Variants in RUNX1 observed in about 807,000 individuals in gnomAD.
The protein encoded by RUNX1 is runt-related transcription factor 1.
Under a neutral mutation model 42.8 loss-of-function variants are expected in RUNX1, and 19 were observed. The observed-to-expected ratio is 0.44, with a 90% CI of 0.31 to 0.65. The LOEUF (loss-of-function observed/expected upper bound fraction) is 0.65. RUNX1 is among the 30% of genes least tolerant of loss of function. The probability of loss-of-function intolerance (pLI) is 0.07; values close to 1 mark genes in which losing one functional copy is unlikely to be tolerated. For synonymous variants in RUNX1, 271 were observed against 289.4 expected, an observed-to-expected ratio of 0.94 and a Z score of 0.64; for missense variants, 528 against 672.0, an observed-to-expected ratio of 0.79 and a Z score of 2.37.
chr21:34,934,622 G>A (rs80151094), intron 2 of RUNX1, among the ~76,000 whole-genome samples: 1,644 of 152,262 alleles, frequency 0.011, 25 homozygotes, highest in African/African-American at 0.038. Flanking sequence ...TCACATGCTG[G>A]TGCTTTAGGG....
chr21:34,835,754 C>A (rs2057136823), intron 6 of RUNX1, among the ~76,000 whole-genome samples: 1 of 152,114 alleles, frequency 6.6e-6, no homozygotes, highest in Admixed American at 6.5e-5. Context: ...CCAAATGTCC[C>A]CAAAGCCAGA....
At chr21:34,953,978 C>CA (rs909561523) in intron 2 of RUNX1, among the ~76,000 whole-genome samples, 1 of 151,990 alleles carries the variant, frequency 6.6e-6, no homozygotes, top group Non-Finnish European at 1.5e-5. Context: ...AAGTTGGTTG[C>CA]AAAAAAATGG....
At chr21:34,999,810 A>T (rs1343085834) in intron 2 of RUNX1, among the ~76,000 whole-genome samples, 1 of 152,194 alleles carries the variant, frequency 6.6e-6, no homozygotes, top group East Asian at 1.9e-4. Context: ...TCCTTTTAAA[A>T]GTGTGACTAT....
At chr21:35,046,984 G>A (rs1443800997) in intron 2 of RUNX1, among the ~76,000 whole-genome samples, 1 of 152,070 alleles carries the variant, frequency 6.6e-6, no homozygotes, top group Non-Finnish European at 1.5e-5. Context: ...CCCTGGGCTT[G>A]TCCGGGAGAT....
intron 8 of RUNX1, among the ~76,000 whole-genome samples, chr21:34,794,108 A>G (rs1422423312): frequency 2.6e-5 from 4 of 152,196 alleles, no homozygotes; most frequent in Non-Finnish European, 5.9e-5. Flanking sequence ...TGATATTAAT[A>G]TAGCAGATGA....
At chr21:34,846,690 C>G (rs1445517870) in intron 6 of RUNX1, among the ~76,000 whole-genome samples, 1 of 152,150 alleles carries the variant, frequency 6.6e-6, no homozygotes, top group Non-Finnish European at 1.5e-5. Flanking sequence ...CTCAAGATTC[C>G]TTTTAGAGTT....
intron 7 of RUNX1, among the ~76,000 whole-genome samples, chr21:34,812,818 C>T (rs966089813): frequency 6.6e-6 from 1 of 152,066 alleles, no homozygotes; most frequent in Non-Finnish European, 1.5e-5. Context: ...CTCATAGAAG[C>T]CATATACTTG....
At chr21:34,853,328 A>G (rs945075971) in intron 6 of RUNX1, among the ~76,000 whole-genome samples, 1 of 152,220 alleles carries the variant, frequency 6.6e-6, no homozygotes, top group East Asian at 1.9e-4. Context: ...TACAAAAAAA[A>G]TGATGAATGC....
chr21:34,959,493 A>G (rs141334804), intron 2 of RUNX1, among the ~76,000 whole-genome samples: 2 of 152,314 alleles, frequency 1.3e-5, no homozygotes, highest in African/African-American at 4.8e-5. Context: ...TGGTGAATAA[A>G]TAGAAAGAAA....
At chr21:34,887,274 G>A (rs1032507273) in intron 3 of RUNX1, 178 bp from the exon 4 acceptor site, 16 of 1,430,346 alleles carry the variant, frequency 1.1e-5, no homozygotes, top group Middle Eastern at 2.6e-4. Flanking sequence ...GGGGAGGAGG[G>A]AGACTAAGTT....
In RUNX1 at chr21:35,024,121, G is replaced by A. The variant is rs77752624; in HGVS notation, c.58+24721C>T. Among the ~76,000 whole-genome samples, 1,245 of 152,208 alleles carry A rather than the reference G, an allele frequency of 8.2e-3. 17 individuals are homozygous for A. Among genetic ancestry groups the A allele is most frequent in the African/African-American group, 0.027 (1,117 of 41,526 alleles). On this transcript the variant is annotated intron_variant, in intron 2 of 8. Transcript: ENST00000675419. ...TAGGTGCCTCCATATGTTTGTTTAC[G>A]TTCTGGTCAATGATTTGTCAGCAGG... is the stretch of plus-strand genomic sequence containing the variant.
chr21:34,862,011 G>A (rs911738574), intron 5 of RUNX1, among the ~76,000 whole-genome samples: 1 of 151,640 alleles, frequency 6.6e-6, no homozygotes, highest in Non-Finnish European at 1.5e-5. Context: ...CTTTAGGAGA[G>A]AGGGGGTATT....
At chr21:34,811,220 G>A (rs2056753850) in intron 7 of RUNX1, among the ~76,000 whole-genome samples, 1 of 152,100 alleles carries the variant, frequency 6.6e-6, no homozygotes, top group Non-Finnish European at 1.5e-5. Context: ...AGGATATCCT[G>A]ACAAAGGGAA....
intron 2 of RUNX1, among the ~76,000 whole-genome samples, chr21:34,895,411 T>G (rs1569091916): frequency 6.6e-6 from 1 of 152,234 alleles, no homozygotes; most frequent in South Asian, 2.1e-4. Flanking sequence ...TGGCTGTTGG[T>G]GGACACATGT....
intron 2 of RUNX1, among the ~76,000 whole-genome samples, chr21:34,930,459 C>G (rs1195398517): frequency 6.6e-6 from 1 of 151,484 alleles, no homozygotes; most frequent in Non-Finnish European, 1.5e-5. Context: ...ACTCTGAGAC[C>G]ACAACTGAGC....
chr21:35,025,892 G>A (rs1283798571), intron 2 of RUNX1, among the ~76,000 whole-genome samples: 1 of 152,088 alleles, frequency 6.6e-6, no homozygotes, highest in East Asian at 1.9e-4. Context: ...CTCATCTAGG[G>A]TGCTTGCTCG....
At chr21:34,918,468 T>C (rs1244970291) in intron 2 of RUNX1, among the ~76,000 whole-genome samples, 1 of 152,232 alleles carries the variant, frequency 6.6e-6, no homozygotes, top group Admixed American at 6.5e-5. Flanking sequence ...GTTTAACAGA[T>C]TATTTTAGTT....
intron 7 of RUNX1, among the ~76,000 whole-genome samples, chr21:34,801,564 T>G (rs927556496): frequency 5.3e-5 from 8 of 152,208 alleles, no homozygotes; most frequent in Admixed American, 3.3e-4. Flanking sequence ...TTTTCTGACT[T>G]CACACCATAA....
At chr21:34,840,513 G>A (rs1601427402) in intron 6 of RUNX1, among the ~76,000 whole-genome samples, 1 of 152,188 alleles carries the variant, frequency 6.6e-6, no homozygotes, top group Non-Finnish European at 1.5e-5. Context: ...AATTACATCT[G>A]CTGCCATTAT....
Sources: gnomAD v4.1 joint callset for allele counts (sites outside exome capture counted in the v4.1 genomes callset) on GRCh38, gnomAD v4.1.1 for gene constraint, MANE v1.5 for transcripts, NCBI Gene and HGNC (gene_info 2026-07-23, HGNC 2026-07-21) for gene names.